Variants in FHDC1 observed in about 807,000 individuals in gnomAD.
The protein encoded by FHDC1 is FH2 domain-containing protein 1.
FHDC1 carries 25 observed loss-of-function variants against 52.6 expected under a neutral mutation model. The observed-to-expected ratio is 0.48, with a 90% CI of 0.35 to 0.66. The LOEUF (loss-of-function observed/expected upper bound fraction) is 0.66. Among genes scored for constraint, FHDC1 ranks in the 30% least tolerant of loss-of-function variants. The probability of loss-of-function intolerance (pLI) is 0.01; values close to 1 mark genes in which losing one functional copy is unlikely to be tolerated. For missense variants in FHDC1, 1,459 were observed against 1,452.8 expected (o/e 1.00, Z -0.07); for synonymous variants, 616 against 581.5 (o/e 1.06, Z -0.85).
At chr4:152,916,659 CT>C in the FHDC1 span, among the ~76,000 whole-genome samples, 2 of 151,588 alleles carry the variant, frequency 1.3e-5, no homozygotes, top group Non-Finnish European at 2.9e-5. Flanking sequence ...CAATCAGAGG[CT>C]TTTTTTTGTA....
Position 152,975,325 on chromosome 4 carries a change from G to A in FHDC1, c.2034G>A (p.Gly678=), listed in dbSNP as rs1346096581. 41 of 1,613,658 alleles carry A rather than the reference G, an allele frequency of 2.5e-5. No homozygotes were observed. The highest frequency in any genetic ancestry group is 3.4e-5 in the Non-Finnish European group (40 of 1,180,038). ...LGIKEHELVT[G]LAQFNLQGSQ... is the part of the protein sequence containing the mutation. ...TTAAGGAGCATGAGCTGGTGACAGG[G>A]CTGGCCCAGTTCAACCTCCAGGGTT... The change falls in exon 12 of 12, where the codon GGG becomes GGA. Residue 678 remains glycine, a synonymous_variant. Coordinates refer to ENST00000511601, the MANE Select transcript of FHDC1 (RefSeq NM_001371116.1).
rs750268720 is a variant in FHDC1, at chr4:152,954,334, G to T, written c.663+15G>T. 1 of 1,596,106 alleles carries T rather than the reference G, an allele frequency of 6.3e-7. No individual in the cohort carries two copies. Among genetic ancestry groups the T allele is most frequent in the Non-Finnish European group, 8.6e-7 (1 of 1,163,660 alleles). On this transcript the variant is annotated intron_variant, in intron 4 of 11. Coordinates refer to ENST00000511601, the MANE Select transcript of FHDC1 (RefSeq NM_001371116.1). ...AGTCAGAAGAGGTAAGAAATTCAGC[G>T]CATGAGTTGTAGATGTTAGGAGTGA...
the FHDC1 span, chr4:152,928,122 C>T: frequency 1.0e-6 from 1 of 996,370 alleles, no homozygotes; most frequent in South Asian, 1.3e-5. Context: ...AACTCTGAGT[C>T]CAGCGCAGAC....
chr4:152,952,993 A>C (rs1208977845), intron 2 of FHDC1, among the ~76,000 whole-genome samples: 1 of 152,100 alleles, frequency 6.6e-6, no homozygotes, highest in Non-Finnish European at 1.5e-5. Context: ...TTAGCCGGGC[A>C]TAGTGGTGCA....
At chr4:152,912,428 A>G in the FHDC1 span, 3 of 152,172 alleles carry the variant, frequency 2.0e-5, no homozygotes, top group East Asian at 5.8e-4. Context: ...CCTTTAATAT[A>G]CATTTACATC....
chr4:152,965,219 TA>T (rs1265437781), intron 9 of FHDC1, among the ~76,000 whole-genome samples: 1 of 152,162 alleles, frequency 6.6e-6, no homozygotes. Context: ...ATCATCAGTA[TA>T]AAAAATATGG....
rs755239365 is a variant in FHDC1, at chr4:152,975,625, C to T, written c.2334C>T (p.Asp778=). The change falls in exon 12 of 12, where the codon GAC becomes GAT. Residue 778 remains aspartate (D), a synonymous_variant. Coordinates refer to ENST00000511601, the MANE Select transcript of FHDC1 (RefSeq NM_001371116.1). ...TGTTCTGCATCTCGGACACCACCGA[C>T]TGCTCACTGACCCTGGACTGCTCAG... ...RPLFCISDTT[D]CSLTLDCSEG... 96 of 1,613,548 alleles carry T rather than the reference C, an allele frequency of 5.9e-5. No homozygotes were observed. The South Asian group carries it at 1.0e-3, about 17-fold the overall frequency.
At position 152,943,407 on chromosome 4, in the gene FHDC1, G is replaced by A. The variant is rs1375416932; in HGVS notation, c.350G>A (p.Trp117Ter). 6.2e-7 allele frequency: 1 copy of A among 1,613,930 alleles called. No homozygotes were observed. Among genetic ancestry groups the A allele is most frequent in the Non-Finnish European group, 8.5e-7 (1 of 1,180,026 alleles). Reference protein sequence around the residue: ...EEQVRGKTNIWTLAARQEHHY... With the variant: ...EEQVRGKTNI ...CAAGTTCGAGGCAAAACCAACATCT[G>A]GACCTTGGCAGCCAGGCAGGAACAT... The change falls in exon 2 of 12, where the codon TGG becomes TAG. Residue 117 changes from tryptophan (W) to a stop codon, truncating the protein, a stop_gained. Coordinates refer to ENST00000511601, the MANE Select transcript of FHDC1 (RefSeq NM_001371116.1). LOFTEE classifies it high-confidence loss of function.
chr4:152,942,804 G>C, intron 1 of FHDC1, 124 bp from the exon 2 acceptor site: 1 of 440,854 alleles, frequency 2.3e-6, no homozygotes, highest in Non-Finnish European at 4.0e-6. Context: ...AACTTGGGAT[G>C]TGTTGCCCCT....
intron 2 of FHDC1, 110 bp downstream of exon 2, chr4:152,943,665 A>G: frequency 7.8e-7 from 1 of 1,279,856 alleles, no homozygotes. Flanking sequence ...ATGAGATAAT[A>G]CAAGCGAATC....
the FHDC1 span, chr4:152,918,480 T>C: frequency 6.6e-6 from 1 of 152,272 alleles, no homozygotes; most frequent in Non-Finnish European, 1.5e-5. Flanking sequence ...GTAATTGTCT[T>C]ATCAAGGCCA....
At chr4:152,939,747 C>T (rs1389168921) in intron 1 of FHDC1, among the ~76,000 whole-genome samples, 1 of 152,158 alleles carries the variant, frequency 6.6e-6, no homozygotes, top group African/African-American at 2.4e-5. Context: ...AGAGCCCAGC[C>T]ATGACAGCTC....
chr4:152,934,330 A>C (rs1288440599), upstream of FHDC1, among the ~76,000 whole-genome samples: 1 of 152,142 alleles, frequency 6.6e-6, no homozygotes, highest in African/African-American at 2.4e-5. Context: ...GGGTGTGGGA[A>C]GAGTACTAGT....
chr4:152,967,503 GTGGAATCTGCTATTTTCA>G (rs1218255082), intron 9 of FHDC1, among the ~76,000 whole-genome samples: 2 of 152,100 alleles, frequency 1.3e-5, no homozygotes, highest in Non-Finnish European at 2.9e-5. Context: ...CTGGCCACCT[GTGGAATCTGCTATTTTCA>G]TGGAATCTGC....
chr4:152,969,086 TA>T (rs72178531), intron 10 of FHDC1, among the ~76,000 whole-genome samples: 14,192 of 136,762 alleles, frequency 0.1, 998 homozygotes, highest in African/African-American at 0.22. Context: ...TCTTCCTTAT[TA>T]AAAAAAAAAA....
At chr4:152,927,272 T>G in the FHDC1 span, among the ~76,000 whole-genome samples, 1 of 152,118 alleles carries the variant, frequency 6.6e-6, no homozygotes, top group Non-Finnish European at 1.5e-5. Flanking sequence ...AGCCATAAAG[T>G]AAGCTCAAGC....
the FHDC1 span, among the ~76,000 whole-genome samples, chr4:152,925,916 G>A: frequency 6.6e-6 from 1 of 151,694 alleles, no homozygotes; most frequent in Non-Finnish European, 1.5e-5. Context: ...GAAGGAGAAG[G>A]AGAAGAAGAA....
chr4:152,952,718 C>G, intron 2 of FHDC1, among the ~76,000 whole-genome samples: 1 of 152,098 alleles, frequency 6.6e-6, no homozygotes, highest in Admixed American at 6.5e-5. Context: ...ATTTTGGTAT[C>G]CCCAGGGGTC....
At chr4:152,957,918 A>C (rs1579092546) in intron 4 of FHDC1, among the ~76,000 whole-genome samples, 1 of 151,454 alleles carries the variant, frequency 6.6e-6, no homozygotes, top group African/African-American at 2.4e-5. Flanking sequence ...AAGCCAGGGA[A>C]CACCCCCACC....
Sources: gnomAD v4.1 joint callset for allele counts (sites outside exome capture counted in the v4.1 genomes callset) on GRCh38, gnomAD v4.1.1 for gene constraint, MANE v1.5 for transcripts, NCBI Gene and HGNC (gene_info 2026-07-23, HGNC 2026-07-21) for gene names.